Variants in PANK3 observed in about 807,000 individuals in gnomAD.
PANK3 encodes pantothenate kinase 3, also known as hPanK3.
PANK3 carries 20 observed loss-of-function variants against 39.4 expected under a neutral mutation model. The observed-to-expected ratio is 0.51, with a 90% CI of 0.36 to 0.74. The LOEUF (loss-of-function observed/expected upper bound fraction) is 0.74. Ranked by LOEUF, PANK3 falls within the 30% of genes least tolerant of loss-of-function variation. The pLI, the probability that PANK3 is intolerant of heterozygous loss-of-function variation, is 0.00. For missense variants in PANK3, 265 were observed against 437.0 expected (o/e 0.61, Z 3.51); for synonymous variants, 140 against 157.3 (o/e 0.89, Z 0.82).
chr5:168,569,824 G>C (rs775672802), intron 1 of PANK3, among the ~76,000 whole-genome samples: 1 of 152,130 alleles, frequency 6.6e-6, no homozygotes, highest in Non-Finnish European at 1.5e-5. Context: ...GCTGAGGTAG[G>C]GGGGATCGCT....
intron 1 of PANK3, 149 bp from the exon 2 acceptor site, chr5:168,569,147 GT>G (rs1759586218): frequency 5.3e-6 from 1 of 190,084 alleles, no homozygotes; most frequent in African/African-American, 2.6e-5. Flanking sequence ...TAAGACACAT[GT>G]TCCATGTGGA....
Position 168,568,772 on chromosome 5 carries a change from G to C in PANK3, c.255C>G (p.Ile85Met), listed in dbSNP as rs1759574496. ...TAGGCAGGTCCTGGGTTGGAAACCT[G>C]ATAAAGTGCAAGTTCCCTCTTCGGC... ...LFGRRGNLHFIRFPTQDLPTF... is the reference protein window; with the variant it reads ...LFGRRGNLHFMRFPTQDLPTF... The change falls in exon 2 of 7, where the codon ATC (isoleucine) becomes ATG (methionine). Residue 85 changes from isoleucine (I) to methionine (M), a missense_variant. Physicochemically the swap from Ile to Met is conservative, Grantham distance 10. Transcript: ENST00000239231. 6.2e-7 allele frequency: 1 copy of C among 1,613,954 alleles called. No homozygotes were observed. Among genetic ancestry groups the C allele is most frequent in the Non-Finnish European group, 8.5e-7 (1 of 1,179,986 alleles).
chr5:168,558,371 A>G (rs1759386832), intron 6 of PANK3, among the ~76,000 whole-genome samples: 1 of 151,746 alleles, frequency 6.6e-6, no homozygotes. Flanking sequence ...CACCGTTGTT[A>G]GCCAGGATGG....
chr5:168,570,876 T>C (rs1490141668), intron 1 of PANK3, among the ~76,000 whole-genome samples: 1 of 152,202 alleles, frequency 6.6e-6, no homozygotes, highest in Non-Finnish European at 1.5e-5. Flanking sequence ...CTGCTTAAGA[T>C]GTGCCAGTAA....
chr5:168,553,070 C>G lies in PANK3; in HGVS notation c.*4501G>C. The G allele has an allele frequency of 2.4e-6, 1 of 409,766 alleles. No homozygotes were observed. The highest frequency in any genetic ancestry group is 4.8e-6 in the Non-Finnish European group (1 of 209,400). The allele number at this position is 409,766 out of a possible 1,614,324, so 25.4% of individuals were successfully genotyped here. ...GCTGAAGGATCTCATTAGTACTCTT[C>G]CTTTCTGTTAATGAGCAAAAACTTA... On this transcript the variant is annotated 3_prime_UTR_variant, in exon 7 of 7. Coordinates refer to ENST00000239231, the MANE Select transcript of PANK3 (RefSeq NM_024594.4).
intron 1 of PANK3, among the ~76,000 whole-genome samples, chr5:168,575,972 G>A (rs1384519375): frequency 6.6e-6 from 1 of 152,094 alleles, no homozygotes. Context: ...CAACTTCCTG[G>A]ATAAGACATT....
At chr5:168,564,839 GA>G (rs1256467338) in intron 3 of PANK3, among the ~76,000 whole-genome samples, 9 of 152,148 alleles carry the variant, frequency 5.9e-5, no homozygotes, top group Non-Finnish European at 1.2e-4. Context: ...TATTTCACAT[GA>G]CCTACACATA....
At chr5:168,559,509 T>C (rs1237094796) in intron 5 of PANK3, among the ~76,000 whole-genome samples, 1 of 152,132 alleles carries the variant, frequency 6.6e-6, no homozygotes, top group African/African-American at 2.4e-5. Context: ...GAAGGTGGTA[T>C]ATGGGAACTC....
At position 168,549,664 on chromosome 5, in the gene PANK3, A is replaced by C. The variant is rs1460098; in HGVS notation, c.*7907T>G. The C allele has an allele frequency of 3.3e-5, 5 of 152,106 alleles. No homozygotes were observed. The highest frequency in any genetic ancestry group is 1.2e-4 in the African/African-American group (5 of 41,430). 9.4% of individuals were successfully genotyped at this position (152,106 alleles called of 1,614,324 possible). A position where few individuals can be genotyped will look rare whatever the true frequency, so the allele number is the denominator to read the frequency against. On this transcript the variant is annotated 3_prime_UTR_variant, in exon 7 of 7. Coordinates refer to ENST00000239231, the MANE Select transcript of PANK3 (RefSeq NM_024594.4). ...GTTGCAGCAAAAACGCCGAAATTCT[A>C]TAAGAAAAAAACTGATTTACCCCAA...
chr5:168,576,732 T>C (rs1482178776), intron 1 of PANK3, among the ~76,000 whole-genome samples: 1 of 152,074 alleles, frequency 6.6e-6, no homozygotes, highest in Non-Finnish European at 1.5e-5. Flanking sequence ...AATGATGCAA[T>C]GCACATAAAG....
intron 1 of PANK3, among the ~76,000 whole-genome samples, chr5:168,577,391 T>G (rs551275011): frequency 6.6e-6 from 1 of 152,166 alleles, no homozygotes; most frequent in Non-Finnish European, 1.5e-5. Context: ...AATGTTGTAA[T>G]AATCAACTTA....
At position 168,554,966 on chromosome 5, in the gene PANK3, AC is replaced by A. The variant is rs1759326732; in HGVS notation, c.*2604del. 6.6e-6 allele frequency: 1 copy of A among 152,246 alleles called. No homozygotes were observed. The highest frequency in any genetic ancestry group is 1.5e-5 in the Non-Finnish European group (1 of 68,040). 9.4% of individuals were successfully genotyped at this position (152,246 alleles called of 1,614,324 possible). A position where few individuals can be genotyped will look rare whatever the true frequency, so the allele number is the denominator to read the frequency against. ...CTGAAATTACCTGCTAGAGTGAGCAACCATCTCACCACTGTGGCTCTTTAGC... is the reference window on the plus strand; with the variant it reads ...CTGAAATTACCTGCTAGAGTGAGCAACATCTCACCACTGTGGCTCTTTAGC... On this transcript the variant is annotated 3_prime_UTR_variant, in exon 7 of 7. Coordinates refer to ENST00000239231, the MANE Select transcript of PANK3 (RefSeq NM_024594.4).
rs536983005 is a variant in PANK3, at chr5:168,572,919, G to A, written c.29-3921C>T. The stretch of plus-strand genomic sequence containing the variant: ...CTAGTGTGGGAGAGATTCAACTGAA[G>A]AAAGATTTTGTGGTAAGGGGTGATA... On this transcript the variant is annotated intron_variant, in intron 1 of 6. Coordinates refer to ENST00000239231, the MANE Select transcript of PANK3 (RefSeq NM_024594.4). Among the ~76,000 whole-genome samples, 10 of 152,208 alleles carry A rather than the reference G, an allele frequency of 6.6e-5. No homozygotes were observed. In the East Asian group the frequency reaches 1.9e-3, roughly 29 times the overall value.
chr5:168,564,066 C>A lies in PANK3; in HGVS notation c.636-1G>T. 6.3e-7 allele frequency: 1 copy of A among 1,583,302 alleles called. No homozygotes were observed. Among genetic ancestry groups the A allele is most frequent in the Non-Finnish European group, 8.5e-7 (1 of 1,170,438 alleles). On this transcript the variant is annotated splice_acceptor_variant, in intron 3 of 6. Transcript: ENST00000239231. LOFTEE classifies it high-confidence loss of function. ...ACCCAGAAAGGTACCCCCTCCAAGG[C>A]TAAAGAAAATAAAGAAACTTGCTAA... is the stretch of plus-strand genomic sequence containing the variant.
intron 3 of PANK3, among the ~76,000 whole-genome samples, chr5:168,565,316 T>G (rs188030130): frequency 5.9e-5 from 9 of 152,322 alleles, no homozygotes; most frequent in Admixed American, 3.9e-4. Context: ...TATATCTTAT[T>G]TCTCATTCGT....
intron 2 of PANK3, among the ~76,000 whole-genome samples, chr5:168,566,896 C>T (rs897151770): frequency 6.6e-6 from 1 of 152,122 alleles, no homozygotes; most frequent in South Asian, 2.1e-4. Flanking sequence ...GCGCCCGCCA[C>T]CACGCCTGGC....
intron 3 of PANK3, among the ~76,000 whole-genome samples, chr5:168,565,785 G>T: frequency 6.7e-6 from 1 of 149,960 alleles, no homozygotes. Flanking sequence ...TACTTTGGGA[G>T]GCCGAGACAG....
At position 168,551,701 on chromosome 5, in the gene PANK3, T is replaced by A. The variant is rs1759273526; in HGVS notation, c.*5870A>T. 6.6e-6 allele frequency: 1 copy of A among 152,212 alleles called. No homozygotes were observed. Among genetic ancestry groups the A allele is most frequent in the Admixed American group, 6.5e-5 (1 of 15,276 alleles). 9.4% of individuals were successfully genotyped at this position (152,212 alleles called of 1,614,324 possible). A position where few individuals can be genotyped will look rare whatever the true frequency, so the allele number is the denominator to read the frequency against. ...CTTTCCACTTTGTGCTGCATCATTC[T>A]GCTTATAGAAACAGTCTTTAAGGGA... is the stretch of plus-strand genomic sequence containing the variant. On this transcript the variant is annotated 3_prime_UTR_variant, in exon 7 of 7. Coordinates refer to ENST00000239231, the MANE Select transcript of PANK3 (RefSeq NM_024594.4).
At position 168,555,987 on chromosome 5, in the gene PANK3, C is replaced by T. The variant is rs1357356897; in HGVS notation, c.*1584G>A. On this transcript the variant is annotated 3_prime_UTR_variant, in exon 7 of 7. Coordinates refer to ENST00000239231, the MANE Select transcript of PANK3 (RefSeq NM_024594.4). ...GGACAGAATCTATTAAAACTCATTC[C>T]ACTATCCCTATGTACATAAATAACA... 3.9e-5 allele frequency: 6 copies of T among 152,190 alleles called. No individual in the cohort carries two copies. Among genetic ancestry groups the T allele is most frequent in the African/African-American group, 1.4e-4 (6 of 41,448 alleles). 9.4% of individuals were successfully genotyped at this position (152,190 alleles called of 1,614,324 possible).
Sources: allele counts gnomAD v4.1 joint callset (sites outside exome capture counted in the v4.1 genomes callset), GRCh38; gene constraint gnomAD v4.1.1; transcripts MANE v1.5; gene names NCBI Gene and HGNC (gene_info 2026-07-23, HGNC 2026-07-21).